Variants in LRRC75A observed in about 807,000 individuals in gnomAD.
LRRC75A encodes the protein leucine-rich repeat-containing protein 75A.
In LRRC75A, 12 loss-of-function variants were observed where a neutral mutation model predicts 26.0. The observed-to-expected ratio is 0.46, with a 90% confidence interval of 0.30 to 0.75. The LOEUF (loss-of-function observed/expected upper bound fraction) is 0.75. LRRC75A is among the 30% of genes least tolerant of loss of function. The probability of loss-of-function intolerance (pLI) is 0.08; values close to 1 mark genes in which losing one functional copy is unlikely to be tolerated. For synonymous variants in LRRC75A, 223 were observed against 219.3 expected, an observed-to-expected ratio of 1.02 and a Z score of -0.15; for missense variants, 410 against 486.6, an observed-to-expected ratio of 0.84 and a Z score of 1.48.
At chr17:16,453,297 AAC>A (rs764002278) in intron 2 of LRRC75A, among the ~76,000 whole-genome samples, 25 of 108,738 alleles carry the variant, frequency 2.3e-4, no homozygotes, top group African/African-American at 4.5e-4. Flanking sequence ...GGGACTCCTA[AAC>A]ACACACACAC....
intron 1 of LRRC75A, among the ~76,000 whole-genome samples, chr17:16,473,693 C>T (rs1258421234): frequency 6.6e-6 from 1 of 152,190 alleles, no homozygotes; most frequent in Non-Finnish European, 1.5e-5. Flanking sequence ...GAGGTAAAGA[C>T]TGGGGTTCTC....
chr17:16,454,908 A>ATTTCTTTTCT (rs146176252), intron 2 of LRRC75A, among the ~76,000 whole-genome samples: 6 of 147,688 alleles, frequency 4.1e-5, no homozygotes, highest in African/African-American at 1.5e-4. Context: ...AAGGGTCCTC[A>ATTTCTTTTCT]TTTCTTTTCT....
intron 1 of LRRC75A, among the ~76,000 whole-genome samples, chr17:16,483,104 G>A (rs2093838415): frequency 6.6e-6 from 1 of 152,236 alleles, no homozygotes; most frequent in Non-Finnish European, 1.5e-5. Flanking sequence ...CCCCACAGTA[G>A]GCAGAAAGGT....
At chr17:16,486,996 T>C (rs1451174000) in intron 1 of LRRC75A, among the ~76,000 whole-genome samples, 1 of 152,188 alleles carries the variant, frequency 6.6e-6, no homozygotes, top group Non-Finnish European at 1.5e-5. Context: ...TTCAATACCA[T>C]ACAGTGGATA....
Position 16,462,231 on chromosome 17 carries a change from G to C in LRRC75A, c.375+27C>G. On this transcript the variant is annotated intron_variant, in intron 2 of 3. Transcript: ENST00000470794. This position sits in a 1 kb window ranked among gnomAD's most constrained non-coding sequence, Gnocchi z 4.6. ...GCACCCACCGCACACCCCGGGACCT[G>C]GCTGGCTCGGACCACAGCCACCCTA... 6.2e-7 allele frequency: 1 copy of C among 1,613,648 alleles called. No individual in the cohort carries two copies. The highest frequency in any genetic ancestry group is 8.5e-7 in the Non-Finnish European group (1 of 1,179,804).
intron 1 of LRRC75A, among the ~76,000 whole-genome samples, chr17:16,488,063 T>C (rs2093850519): frequency 6.6e-6 from 1 of 152,192 alleles, no homozygotes; most frequent in Non-Finnish European, 1.5e-5. Flanking sequence ...GTCTAAAATT[T>C]TGAGGACTCA....
At chr17:16,456,367 A>G (rs1385100570) in intron 2 of LRRC75A, among the ~76,000 whole-genome samples, 43 of 94,152 alleles carry the variant, frequency 4.6e-4, no homozygotes, top group African/African-American at 7.3e-4. Context: ...GGAGGAAGAG[A>G]AGGAAGAGGA....
chr17:16,447,947 A>G lies in LRRC75A; in HGVS notation c.389T>C (p.Leu130Pro). The G allele has an allele frequency of 6.4e-7, 1 of 1,550,960 alleles. No individual in the cohort carries two copies. Among genetic ancestry groups the G allele is most frequent in the Middle Eastern group, 1.7e-4 (1 of 5,876 alleles). Reference protein sequence around the residue: ...IHCPKPEGDALGAMEKLCRQL... With the variant: ...IHCPKPEGDAPGAMEKLCRQL... Reference sequence around the variant, plus strand: ...CCGGCACAGCTTCTCCATGGCGCCCAGTGCATCGCCTTCCTGCAGAGGCAA... The same window carrying G: ...CCGGCACAGCTTCTCCATGGCGCCCGGTGCATCGCCTTCCTGCAGAGGCAA... Residue 130 changes from leucine to proline, a missense_variant, in exon 3 of 4, where the codon CTG becomes CCG. Physicochemically the swap from Leu to Pro is moderately conservative, Grantham distance 98. Coordinates refer to ENST00000470794, the MANE Select transcript of LRRC75A (RefSeq NM_001113567.3).
intron 1 of LRRC75A, among the ~76,000 whole-genome samples, chr17:16,480,404 C>A (rs554886871): frequency 6.6e-6 from 1 of 151,964 alleles, no homozygotes; most frequent in Admixed American, 6.6e-5. Flanking sequence ...CCGAGGTGGG[C>A]GGAATGCCTG....
intron 1 of LRRC75A, among the ~76,000 whole-genome samples, chr17:16,467,833 T>C (rs2093781103): frequency 6.6e-6 from 1 of 152,232 alleles, no homozygotes; most frequent in Non-Finnish European, 1.5e-5. Flanking sequence ...CTGAAGCAAC[T>C]GATATCTCTA....
rs1302890973 is a variant in LRRC75A at position 16,462,124 on chromosome 17, C to T, written c.375+134G>A. 1.7e-6 allele frequency: 2 copies of T among 1,176,252 alleles called. No individual in the cohort carries two copies. The highest frequency in any genetic ancestry group is 3.1e-5 in the African/African-American group (2 of 64,824). 72.9% of individuals were successfully genotyped at this position (1,176,252 alleles called of 1,614,324 possible). ...GCACCAAGGGAGAGCACCTCAAGCT[C>T]TTGGTGCCTGGAGGACGGGCTTGTC... On this transcript the variant is annotated intron_variant, in intron 2 of 3. Coordinates refer to ENST00000470794, the MANE Select transcript of LRRC75A (RefSeq NM_001113567.3). The surrounding 1 kb of genome is among the most constrained non-coding windows in gnomAD (Gnocchi z 4.6).
intron 2 of LRRC75A, among the ~76,000 whole-genome samples, chr17:16,450,495 CTTG>C (rs1298333683): frequency 2.0e-5 from 3 of 151,428 alleles, no homozygotes; most frequent in South Asian, 2.1e-4. Flanking sequence ...TCACCTGCCA[CTTG>C]CACCTGTATC....
At chr17:16,451,329 G>T (rs528648174) in intron 2 of LRRC75A, among the ~76,000 whole-genome samples, 1 of 152,084 alleles carries the variant, frequency 6.6e-6, no homozygotes, top group African/African-American at 2.4e-5. Context: ...AGCTCAAAGG[G>T]AGAATAGGGG....
At chr17:16,478,107 T>TA (rs936430457) in intron 1 of LRRC75A, among the ~76,000 whole-genome samples, 6 of 151,728 alleles carry the variant, frequency 4.0e-5, no homozygotes, top group African/African-American at 1.5e-4. Context: ...GGTAGAGACT[T>TA]AGAGCATTTT....
intron 3 of LRRC75A, among the ~76,000 whole-genome samples, chr17:16,445,158 ATTTTTTTTTTTT>A (rs766449990): frequency 1.4e-5 from 1 of 69,738 alleles, no homozygotes; most frequent in South Asian, 5.3e-4. Flanking sequence ...CATTTTCTGC[ATTTTTTTTTTTT>A]TTTTTTTTTT....
intron 1 of LRRC75A, among the ~76,000 whole-genome samples, chr17:16,485,133 G>A (rs556890920): frequency 1.3e-5 from 2 of 152,214 alleles, no homozygotes; most frequent in Non-Finnish European, 2.9e-5. Flanking sequence ...TCTAGTAATG[G>A]TGAGTCCAAG....
chr17:16,486,254 C>T (rs2093846944), intron 1 of LRRC75A, among the ~76,000 whole-genome samples: 1 of 152,114 alleles, frequency 6.6e-6, no homozygotes, highest in South Asian at 2.1e-4. Context: ...CTGAAGACAG[C>T]AAAGCAGTTT....
intron 2 of LRRC75A, among the ~76,000 whole-genome samples, chr17:16,450,828 GAC>G (rs937050274): frequency 2.6e-5 from 4 of 152,186 alleles, no homozygotes; most frequent in African/African-American, 9.7e-5. Context: ...GGGCTGAGGG[GAC>G]AGAGGCCACA....
chr17:16,449,115 C>G (rs2093610472), intron 2 of LRRC75A, among the ~76,000 whole-genome samples: 1 of 152,160 alleles, frequency 6.6e-6, no homozygotes, highest in Admixed American at 6.5e-5. Flanking sequence ...GGCTTGGATG[C>G]AAGCGCTGGA....
Sources: allele counts gnomAD v4.1 joint callset (sites outside exome capture counted in the v4.1 genomes callset), GRCh38; gene constraint gnomAD v4.1.1; non-coding constraint Gnocchi (gnomAD v3.1); transcripts MANE v1.5; gene names NCBI Gene and HGNC (gene_info 2026-07-23, HGNC 2026-07-21).